ARHGEF38: variants seen among roughly 807,000 people sequenced by gnomAD.
The protein encoded by ARHGEF38 is Rho guanine nucleotide exchange factor 38.
ARHGEF38 carries 79 observed loss-of-function variants against 79.9 expected under a neutral mutation model. The ratio of observed to expected loss-of-function variants is 0.99; its 90% confidence interval spans 0.82 to 1.19. The LOEUF is 1.19. ARHGEF38 is among the 50% of genes most tolerant of loss of function. ARHGEF38 has a pLI of 0.00. For missense variants in ARHGEF38, 962 were observed against 907.2 expected (o/e 1.06, Z -0.78); for synonymous variants, 366 against 328.3 (o/e 1.11, Z -1.24).
intron 1 of ARHGEF38, among the ~76,000 whole-genome samples, chr4:105,586,438 C>T (rs187461274): frequency 6.6e-6 from 1 of 152,064 alleles, no homozygotes; most frequent in Admixed American, 6.6e-5. Context: ...CTTGCCCCCA[C>T]AAATTTGTTC....
At chr4:105,630,657 TAAAAGAAAA>T (rs1484086193) in intron 3 of ARHGEF38, among the ~76,000 whole-genome samples, 2 of 145,762 alleles carry the variant, frequency 1.4e-5, no homozygotes, top group African/African-American at 2.5e-5. Flanking sequence ...CTTTGTTTTA[TAAAAGAAAA>T]AAAAGAAAAG....
At chr4:105,658,302 G>A (rs769744751) in intron 9 of ARHGEF38, among the ~76,000 whole-genome samples, 30 of 152,016 alleles carry the variant, frequency 2.0e-4, no homozygotes, top group Non-Finnish European at 3.5e-4. Flanking sequence ...CTAGCTATTC[G>A]GGAGGCTGAG....
intron 13 of ARHGEF38, among the ~76,000 whole-genome samples, chr4:105,669,333 C>A (rs911723776): frequency 6.6e-6 from 1 of 152,084 alleles, no homozygotes; most frequent in African/African-American, 2.4e-5. Context: ...ATAATAGATA[C>A]ATAGAACGTT....
rs10010936 is a variant in ARHGEF38, at chr4:105,561,877, T to C, written c.196+8916T>C. Among the ~76,000 whole-genome samples the C allele has an allele frequency of 6.1e-3, 931 of 152,278 alleles. 10 individuals carry two copies. Among genetic ancestry groups the C allele is most frequent in the African/African-American group, 0.021 (869 of 41,562 alleles). On this transcript the variant is annotated intron_variant, in intron 1 of 13. Coordinates refer to ENST00000420470, the MANE Select transcript of ARHGEF38 (RefSeq NM_001242729.2). ...ACAAAGGTCATAAATTGTGGAGATATGACAAAGCCAAAGTAAAAGAGTTTA... is the reference window on the plus strand; with the variant it reads ...ACAAAGGTCATAAATTGTGGAGATACGACAAAGCCAAAGTAAAAGAGTTTA...
chr4:105,671,528 G>A (rs777577431), intron 13 of ARHGEF38, among the ~76,000 whole-genome samples: 8 of 152,190 alleles, frequency 5.3e-5, no homozygotes, highest in Non-Finnish European at 1.2e-4. Context: ...TATATTATGT[G>A]CCTAATCCTT....
intron 13 of ARHGEF38, among the ~76,000 whole-genome samples, chr4:105,668,683 TA>T (rs1326794544): frequency 7.4e-4 from 112 of 150,848 alleles, no homozygotes; most frequent in Non-Finnish European, 7.4e-5. Context: ...GATAGATAGA[TA>T]GATAGATAGA....
rs1219808547 is a variant in ARHGEF38, at chr4:105,666,180, C to A, written c.1549C>A (p.Pro517Thr). 1 of 1,519,858 alleles carries A rather than the reference C, an allele frequency of 6.6e-7. No individual in the cohort carries two copies. Among genetic ancestry groups the A allele is most frequent in the East Asian group, 2.5e-5 (1 of 40,662 alleles). The allele number at this position is 1,519,858 out of a possible 1,614,324, so 94.1% of individuals were successfully genotyped here. Residue 517 changes from proline (P) to threonine (T), a missense_variant, in exon 11 of 14, where the codon CCA becomes ACA. Pro to Thr is a conservative substitution (Grantham distance 38). Transcript: ENST00000420470. ...QQAYSTLVPMPLLVSSISEIQ... is the reference protein window; with the variant it reads ...QQAYSTLVPMTLLVSSISEIQ... ...GCCATATTATTTCTACCTATAGATG[C>A]CACTGTTGGTTTCAAGCATTTCTGA...
chr4:105,675,436 T>TA (rs905090767), intron 13 of ARHGEF38, among the ~76,000 whole-genome samples: 1 of 152,206 alleles, frequency 6.6e-6, no homozygotes, highest in African/African-American at 2.4e-5. Flanking sequence ...CTTCTTTACT[T>TA]AAAAAAATTA....
At chr4:105,651,840 C>A (rs766519547) in intron 7 of ARHGEF38, among the ~76,000 whole-genome samples, 1 of 152,246 alleles carries the variant, frequency 6.6e-6, no homozygotes, top group East Asian at 1.9e-4. Context: ...TTTTAAGAGT[C>A]CTGAGATGTG....
chr4:105,558,814 T>C (rs1725375095), intron 1 of ARHGEF38, among the ~76,000 whole-genome samples: 2 of 130,458 alleles, frequency 1.5e-5, no homozygotes, highest in Admixed American at 1.5e-4. Context: ...TTTCTAGTTG[T>C]GCTTTTTTTT....
At chr4:105,654,315 G>A (rs1248532525) in intron 8 of ARHGEF38, 146 bp downstream of exon 8, 5 of 494,584 alleles carry the variant, frequency 1.0e-5, no homozygotes, top group South Asian at 9.4e-5. Context: ...GCAAACTGCT[G>A]GTAAAGGAAG....
intron 1 of ARHGEF38, among the ~76,000 whole-genome samples, chr4:105,566,752 CTT>C (rs70938197): frequency 2.1e-5 from 3 of 140,854 alleles, no homozygotes; most frequent in African/African-American, 2.6e-5. Context: ...TGGCAGCCAT[CTT>C]TTTTTTTTTT....
At chr4:105,585,777 G>A (rs1727012924) in intron 1 of ARHGEF38, among the ~76,000 whole-genome samples, 1 of 108,148 alleles carries the variant, frequency 9.2e-6, no homozygotes. Flanking sequence ...TGTCACCCAG[G>A]CTGAAGTGCA....
intron 5 of ARHGEF38, among the ~76,000 whole-genome samples, chr4:105,637,326 A>T (rs1729437990): frequency 6.6e-6 from 1 of 152,180 alleles, no homozygotes; most frequent in South Asian, 2.1e-4. Context: ...TCTGTAGACC[A>T]GGGCTGTATA....
intron 10 of ARHGEF38, among the ~76,000 whole-genome samples, chr4:105,662,415 T>C (rs1578359267): frequency 6.6e-6 from 1 of 152,256 alleles, no homozygotes; most frequent in African/African-American, 2.4e-5. Context: ...AAAAATGCAG[T>C]CAGATTTATT....
intron 1 of ARHGEF38, among the ~76,000 whole-genome samples, chr4:105,561,400 TAATAGAATAGAATAGAATAGAATGG>T (rs1725528757): frequency 6.6e-5 from 2 of 30,156 alleles, no homozygotes; most frequent in Admixed American, 4.0e-4. Context: ...TAGAGTAGAA[TAATAGAATAGAATAGAATAGAATGG>T]AATAGAATAG....
intron 1 of ARHGEF38, among the ~76,000 whole-genome samples, chr4:105,578,768 T>G (rs1726633964): frequency 6.6e-6 from 1 of 152,190 alleles, no homozygotes; most frequent in South Asian, 2.1e-4. Context: ...CTTTTTCCAC[T>G]TTTTTACCAT....
intron 13 of ARHGEF38, among the ~76,000 whole-genome samples, chr4:105,675,220 C>G (rs1269906039): frequency 1.3e-5 from 2 of 152,172 alleles, no homozygotes; most frequent in Non-Finnish European, 2.9e-5. Context: ...GAGAAATGGA[C>G]CAAGCACAGG....
intron 2 of ARHGEF38, among the ~76,000 whole-genome samples, chr4:105,598,143 G>A (rs968359166): frequency 3.3e-5 from 5 of 152,038 alleles, no homozygotes; most frequent in South Asian, 2.1e-4. Flanking sequence ...TGTTTCTCAC[G>A]CTATGCTTGA....
Sources: gnomAD v4.1 joint callset for allele counts (sites outside exome capture counted in the v4.1 genomes callset) on GRCh38, gnomAD v4.1.1 for gene constraint, MANE v1.5 for transcripts, NCBI Gene and HGNC (gene_info 2026-07-23, HGNC 2026-07-21) for gene names.